FLG: variants seen among roughly 807,000 people sequenced by gnomAD.
FLG encodes epidermal filaggrin.
Under a neutral mutation model 3.8 loss-of-function variants are expected in FLG, and 6 were observed. The observed-to-expected ratio is 1.60, with a 90% confidence interval of 0.87 to 3.15. The LOEUF (loss-of-function observed/expected upper bound fraction) is 3.15. Ranked by LOEUF, FLG falls within the 30% of genes most tolerant of loss-of-function variation. The pLI, the probability that FLG is intolerant of heterozygous loss-of-function variation, is 0.00. For synonymous variants in FLG, 2,551 were observed against 1,931.6 expected, an observed-to-expected ratio of 1.32 and a Z score of -8.41; for missense variants, 7,595 against 5,050.9, an observed-to-expected ratio of 1.50 and a Z score of -15.27.
chr1:152,314,629 T>A lies in FLG; in HGVS notation c.257A>T (p.Tyr86Phe). ...TAAATTCTCTTTTCTGGTAGACTCA[T>A]AATATGCTTGAGCCAACTTGAATAC... Reference protein sequence around the residue: ...LMVFKLAQAYYESTRKENLPI... With the variant: ...LMVFKLAQAYFESTRKENLPI... The change falls in exon 3 of 3, where the codon TAT becomes TTT. Residue 86 changes from tyrosine (Y) to phenylalanine (F), a missense_variant. By Grantham distance (22) the Tyr-to-Phe change is conservative (BLOSUM62 3). Transcript: ENST00000368799. The A allele has an allele frequency of 6.2e-7, 1 of 1,614,132 alleles. No individual in the cohort carries two copies. Among genetic ancestry groups the A allele is most frequent in the Non-Finnish European group, 8.5e-7 (1 of 1,179,996 alleles).
In FLG at chr1:152,313,065, T is replaced by C. The variant is rs116417983; in HGVS notation, c.1821A>G (p.Gln607=). Residue 607 remains glutamine, a synonymous_variant, in exon 3 of 3, where the codon CAA becomes CAG. Transcript: ENST00000368799. ...SSRHSQVGQG[Q]SSGPRTSRNQ... ...TCCTACTTGTCCTGGGCCCCGATGA[T>C]TGTCCCTGGCCCACCTGTGAGTGTC... is the stretch of plus-strand genomic sequence containing the variant. The C allele has an allele frequency of 2.2e-3, 3,573 of 1,613,944 alleles. 100 individuals are homozygous for C. In the African/African-American group the frequency reaches 0.043, roughly 20 times the overall value.
chr1:152,313,900 G>T lies in FLG; in HGVS notation c.986C>A (p.Ser329Ter). 1 of 1,613,940 alleles carries T rather than the reference G, an allele frequency of 6.2e-7. No individual in the cohort carries two copies. ...RNHHGSAWEQSRDGSRHPRSH... is the reference protein window; with the variant it reads ...RNHHGSAWEQ ...CCTGGGGTGTCTGGAGCCATCTCTT[G>T]ACTGCTCCCACGCAGATCCATGATG... The change falls in exon 3 of 3, where the codon TCA becomes TAA. Residue 329 changes from serine to a stop codon, truncating the protein, a stop_gained. Transcript: ENST00000368799. LOFTEE classifies it low-confidence loss of function (END_TRUNC).
At position 152,303,247 on chromosome 1, in the gene FLG, G is replaced by C; in HGVS notation, c.11639C>G (p.Ser3880Cys). 1 of 1,614,090 alleles carries C rather than the reference G, an allele frequency of 6.2e-7. No homozygotes were observed. Among genetic ancestry groups the C allele is most frequent in the Non-Finnish European group, 8.5e-7 (1 of 1,180,026 alleles). The part of the protein sequence containing the change: ...EAYPEDSERR[S>C]ESASRNHHGS... ...ATGATGGTTTCTGGAAGCAGACTCA[G>C]ATCGCCTCTCAGAGTCCTCTGGGTA... The change falls in exon 3 of 3, where the codon TCT becomes TGT. Residue 3880 changes from serine (S) to cysteine (C), a missense_variant. Ser to Cys is a moderately radical substitution (Grantham distance 112). Coordinates refer to ENST00000368799, the MANE Select transcript of FLG (RefSeq NM_002016.2).
Position 152,310,427 on chromosome 1 carries a change from C to T in FLG, c.4459G>A (p.Asp1487Asn), listed in dbSNP as rs1652322896. 9 of 1,613,498 alleles carry T rather than the reference C, an allele frequency of 5.6e-6. No individual in the cohort carries two copies. The highest frequency in any genetic ancestry group is 1.7e-5 in the Admixed American group (1 of 59,942). ...GACCCCGGGTGTCCACGAATGGTGT[C>T]CTGACCGTCTTGGGATGCTGAGTGC... is the stretch of plus-strand genomic sequence containing the variant. ...SRHSASQDGQ[D>N]TIRGHPGSSR... The change falls in exon 3 of 3, where the codon GAC (aspartate) becomes AAC (asparagine). Residue 1487 changes from aspartate to asparagine, a missense_variant. By Grantham distance (23) the Asp-to-Asn change is conservative (BLOSUM62 1). Coordinates refer to ENST00000368799, the MANE Select transcript of FLG (RefSeq NM_002016.2).
chr1:152,309,338 C>A lies in FLG; in HGVS notation c.5548G>T (p.Glu1850Ter). Reference protein sequence around the residue: ...GSHHSHTTSQERSDVSRGQSG... With the variant: ...GSHHSHTTSQ The stretch of plus-strand genomic sequence containing the variant: ...TGCCCACGGGAGACATCAGACCTTT[C>A]CTGGGACGTGGTGTGGCTGTGATGA... Residue 1850 changes from glutamate (E) to a stop codon, truncating the protein, a stop_gained, in exon 3 of 3, where the codon GAA becomes TAA. Transcript: ENST00000368799. LOFTEE classifies it low-confidence loss of function (END_TRUNC). 1 of 1,613,922 alleles carries A rather than the reference C, an allele frequency of 6.2e-7. No individual in the cohort carries two copies. The highest frequency in any genetic ancestry group is 8.5e-7 in the Non-Finnish European group (1 of 1,180,004).
chr1:152,308,303 C>G lies in FLG; in HGVS notation c.6583G>C (p.Asp2195His), dbSNP rs1652126165. The G allele has an allele frequency of 3.7e-6, 6 of 1,613,400 alleles. No individual in the cohort carries two copies. The highest frequency in any genetic ancestry group is 4.2e-6 in the Non-Finnish European group (5 of 1,179,666). ...GSRSASRKTY[D>H]KEQSGDGSRH... is the part of the protein sequence containing the mutation. The stretch of plus-strand genomic sequence containing the variant: ...GAGCCATCTCCTGATTGTTCCTTGT[C>G]ATATGTTTTTCTGCTTGCACTTCTG... The change falls in exon 3 of 3, where the codon GAC (aspartate) becomes CAC (histidine). Residue 2195 changes from aspartate to histidine, a missense_variant. Physicochemically the swap from Asp to His is moderately conservative, Grantham distance 81. Transcript: ENST00000368799.
chr1:152,307,187 A>C lies in FLG; in HGVS notation c.7699T>G (p.Phe2567Val), dbSNP rs548138052. 9.1e-5 allele frequency: 147 copies of C among 1,611,958 alleles called. 2 individuals are homozygous for C. Among genetic ancestry groups the C allele is most frequent in the African/African-American group, 3.7e-4 (27 of 73,574 alleles). Residue 2567 changes from phenylalanine to valine, a missense_variant, in exon 3 of 3, where the codon TTT becomes GTT. Coordinates refer to ENST00000368799, the MANE Select transcript of FLG (RefSeq NM_002016.2). ...CCCTGACTGTCACTGTCCTGGCTAA[A>C]ACTGGATCCCCAGTTCCTGCTTGTC... Reference protein sequence around the residue: ...PRTSRNWGSSFSQDSDSQGHS... With the variant: ...PRTSRNWGSSVSQDSDSQGHS...
In FLG at chr1:152,312,871, T is replaced by A; in HGVS notation, c.2015A>T (p.His672Leu). ...SHHEDRAGHG[H>L]SADSSRKSGT... ...TGATTTTCTGGAGCTGTCTGCAGAG[T>A]GCCCATGACCAGCTCTGTCTTCGTG... The change falls in exon 3 of 3, where the codon CAC becomes CTC. Residue 672 changes from histidine to leucine, a missense_variant. Coordinates refer to ENST00000368799, the MANE Select transcript of FLG (RefSeq NM_002016.2). The A allele has an allele frequency of 6.2e-7, 1 of 1,614,064 alleles. No homozygotes were observed.
Position 152,312,110 on chromosome 1 carries a change from A to T in FLG, c.2776T>A (p.Ser926Thr). ...TCTGATTGTCCCTGGCCTGCCTGTGAGTGTCTAGAGATGTCGGCATGAGAG... is the reference window on the plus strand; with the variant it reads ...TCTGATTGTCCCTGGCCTGCCTGTGTGTGTCTAGAGATGTCGGCATGAGAG... Reference protein sequence around the residue: ...ASSHADISRHSQAGQGQSEGS... With the variant: ...ASSHADISRHTQAGQGQSEGS... The change falls in exon 3 of 3, where the codon TCA (serine) becomes ACA (threonine). Residue 926 changes from serine to threonine, a missense_variant. Coordinates refer to ENST00000368799, the MANE Select transcript of FLG (RefSeq NM_002016.2). The T allele has an allele frequency of 6.2e-7, 1 of 1,613,932 alleles. No individual in the cohort carries two copies. Among genetic ancestry groups the T allele is most frequent in the Non-Finnish European group, 8.5e-7 (1 of 1,179,964 alleles).
chr1:152,307,665 C>T lies in FLG; in HGVS notation c.7221G>A (p.Arg2407=). The part of the protein sequence containing the change: ...QESTRGRSAG[R]SGRSGSFLYQ... ...AGAGGAAAGACCCTGAACGTCCAGA[C>T]CTTCCTGCTGACCGGCCACGTGTGG... Residue 2407 remains arginine (R), a synonymous_variant, in exon 3 of 3, where the codon AGG becomes AGA. Coordinates refer to ENST00000368799, the MANE Select transcript of FLG (RefSeq NM_002016.2). The T allele has an allele frequency of 6.2e-7, 1 of 1,613,382 alleles. No individual in the cohort carries two copies. The highest frequency in any genetic ancestry group is 8.5e-7 in the Non-Finnish European group (1 of 1,179,830).
rs771926645 is a variant in FLG, at chr1:152,308,953, C to T, written c.5933G>A (p.Gly1978Asp). The change falls in exon 3 of 3, where the codon GGC becomes GAC. Residue 1978 changes from glycine to aspartate, a missense_variant. Gly to Asp is a moderately conservative substitution (Grantham distance 94). Coordinates refer to ENST00000368799, the MANE Select transcript of FLG (RefSeq NM_002016.2). ...AGAGGAAGACTCTGTGTGACGAGTGCCTGATTGTCTGGAGCTGTCTGCAGA... is the reference window on the plus strand; with the variant it reads ...AGAGGAAGACTCTGTGTGACGAGTGTCTGATTGTCTGGAGCTGTCTGCAGA... ...GHSADSSRQS[G>D]TRHTESSSRG... The T allele has an allele frequency of 4.3e-6, 7 of 1,614,182 alleles. No homozygotes were observed. Among genetic ancestry groups the T allele is most frequent in the East Asian group, 4.5e-5 (2 of 44,884 alleles).
intron 2 of FLG, chr1:152,315,034 C>G: frequency 4.8e-6 from 2 of 415,162 alleles, no homozygotes; most frequent in Admixed American, 8.1e-5. Flanking sequence ...ACAAAAATCC[C>G]CTTAGTAATG....
chr1:152,324,039 G>A (rs371916506), intron 1 of FLG, among the ~76,000 whole-genome samples: 8 of 151,806 alleles, frequency 5.3e-5, no homozygotes, highest in African/African-American at 1.2e-4. Flanking sequence ...TTGACTGGAC[G>A]TGGTGATGAA....
In FLG at chr1:152,313,061, A is replaced by T; in HGVS notation, c.1825T>A (p.Ser609Thr). 1 of 1,613,670 alleles carries T rather than the reference A, an allele frequency of 6.2e-7. No individual in the cohort carries two copies. ...TGGTTCCTACTTGTCCTGGGCCCCGATGATTGTCCCTGGCCCACCTGTGAG... is the reference window on the plus strand; with the variant it reads ...TGGTTCCTACTTGTCCTGGGCCCCGTTGATTGTCCCTGGCCCACCTGTGAG... The part of the protein sequence containing the change: ...RHSQVGQGQS[S>T]GPRTSRNQGS... The change falls in exon 3 of 3, where the codon TCG (serine) becomes ACG (threonine). Residue 609 changes from serine (S) to threonine (T), a missense_variant. Transcript: ENST00000368799.
intron 1 of FLG, among the ~76,000 whole-genome samples, chr1:152,323,788 C>T (rs1406273126): frequency 6.6e-6 from 1 of 151,436 alleles, no homozygotes; most frequent in Non-Finnish European, 1.5e-5. Flanking sequence ...ATATTCCCAA[C>T]TGAAATATGT....
rs372914204 is a variant in FLG, at chr1:152,310,186, C to A, written c.4700G>T (p.Arg1567Leu). The A allele has an allele frequency of 3.7e-6, 6 of 1,613,714 alleles. No homozygotes were observed. The East Asian group carries it at 1.3e-4, about 36-fold the overall frequency. Reference protein sequence around the residue: ...SGSRHHEPSTRAGSSRHSQVG... With the variant: ...SGSRHHEPSTLAGSSRHSQVG... ...CTGTGAGTGTCTAGAGCTGCCGGCC[C>A]GAGTGGAAGGTTCATGGTGACGTGA... is the stretch of plus-strand genomic sequence containing the variant. The change falls in exon 3 of 3, where the codon CGG (arginine) becomes CTG (leucine). Residue 1567 changes from arginine to leucine, a missense_variant. By Grantham distance (102) the Arg-to-Leu change is moderately radical (BLOSUM62 -2). Coordinates refer to ENST00000368799, the MANE Select transcript of FLG (RefSeq NM_002016.2).
In FLG at chr1:152,312,271, C is replaced by T; in HGVS notation, c.2615G>A (p.Ser872Asn). 6.2e-7 allele frequency: 1 copy of T among 1,613,736 alleles called. No individual in the cohort carries two copies. Among genetic ancestry groups the T allele is most frequent in the South Asian group, 1.1e-5 (1 of 91,042 alleles). Residue 872 changes from serine to asparagine, a missense_variant, in exon 3 of 3, where the codon AGC becomes AAC. Transcript: ENST00000368799. ...DRSGHSGSHHSHTTSQGRSDA... is the reference protein window; with the variant it reads ...DRSGHSGSHHNHTTSQGRSDA... ...AGACCTTCCCTGGGATGTGGTGTGG[C>T]TGTGATGGGACCCTGAGTGTCCAGA...
In FLG at chr1:152,303,286, C is replaced by T; in HGVS notation, c.11600G>A (p.Ser3867Asn). 1 of 1,614,134 alleles carries T rather than the reference C, an allele frequency of 6.2e-7. No homozygotes were observed. Among genetic ancestry groups the T allele is most frequent in the Non-Finnish European group, 8.5e-7 (1 of 1,180,032 alleles). Residue 3867 changes from serine (S) to asparagine (N), a missense_variant, in exon 3 of 3, where the codon AGT becomes AAT. By Grantham distance (46) the Ser-to-Asn change is conservative. Coordinates refer to ENST00000368799, the MANE Select transcript of FLG (RefSeq NM_002016.2). The stretch of plus-strand genomic sequence containing the variant: ...GTCCTCTGGGTATGCCTCACTGTCA[C>T]TGTCCTGGCTAACACTGGATCCCTG... ...RRQGSSVSQD[S>N]DSEAYPEDSE...
rs201173562 is a variant in FLG, at chr1:152,310,169, G to T, written c.4717C>A (p.His1573Asn). 1.7e-5 allele frequency: 27 copies of T among 1,613,770 alleles called. No individual in the cohort carries two copies. Among genetic ancestry groups the T allele is most frequent in the Non-Finnish European group, 2.1e-5 (25 of 1,179,998 alleles). Residue 1573 changes from histidine (H) to asparagine (N), a missense_variant, in exon 3 of 3, where the codon CAC becomes AAC. By Grantham distance (68) the His-to-Asn change is moderately conservative (BLOSUM62 1). Transcript: ENST00000368799. ...GATTCTCCCTGGCCCACCTGTGAGT[G>T]TCTAGAGCTGCCGGCCCGAGTGGAA... Reference protein sequence around the residue: ...EPSTRAGSSRHSQVGQGESAG... With the variant: ...EPSTRAGSSRNSQVGQGESAG...
Sources: gnomAD v4.1 joint callset for allele counts (sites outside exome capture counted in the v4.1 genomes callset) on GRCh38, gnomAD v4.1.1 for gene constraint, MANE v1.5 for transcripts, NCBI Gene and HGNC (gene_info 2026-07-23, HGNC 2026-07-21) for gene names.